The following ANKRD55 variants were observed in gnomAD, a reference collection of about 807,000 sequenced individuals.
ANKRD55 encodes the protein ankyrin repeat domain-containing protein 55.
A neutral mutation model predicts 60.6 loss-of-function variants in ANKRD55; 41 were observed. That is an observed-to-expected ratio of 0.68 (90% CI 0.53 to 0.88). The LOEUF is 0.88. Among genes scored for constraint, ANKRD55 ranks in the 40% least tolerant of loss-of-function variants. ANKRD55 has a pLI of 0.00. For synonymous variants in ANKRD55, 264 were observed against 290.3 expected, an observed-to-expected ratio of 0.91 and a Z score of 0.92; for missense variants, 732 against 767.6, an observed-to-expected ratio of 0.95 and a Z score of 0.55.
At position 56,225,615 on chromosome 5, in the gene ANKRD55, T is replaced by G. The variant is rs866176477; in HGVS notation, c.58+7241A>C. Among the ~76,000 whole-genome samples the G allele has an allele frequency of 7.2e-5, 11 of 152,218 alleles. No homozygotes were observed. In the South Asian group the frequency reaches 8.3e-4, roughly 11 times the overall value. On this transcript the variant is annotated intron_variant, in intron 2 of 11. Coordinates refer to ENST00000341048, the MANE Select transcript of ANKRD55 (RefSeq NM_024669.3). ...GTCTCAGCCCCAAATCTCCTTAAGC[T>G]GATAAGCAACTTCAGCAAAGTCTCA... is the stretch of plus-strand genomic sequence containing the variant.
rs541413758 is a variant in ANKRD55, at chr5:56,131,188, C to G, written c.613-4082G>C. 1.5e-4 allele frequency among the ~76,000 whole-genome samples: 23 copies of G among 151,994 alleles called. No homozygotes were observed. In the South Asian group the frequency reaches 3.7e-3, roughly 25 times the overall value. ...AAAAACAACAAAACAAACAAAAAAC[C>G]CTATGCCTAGGCATATTATTTTCCA... On this transcript the variant is annotated intron_variant, in intron 7 of 11. Transcript: ENST00000341048.
chr5:56,217,924 G>T (rs61627839), intron 2 of ANKRD55, among the ~76,000 whole-genome samples: 2 of 151,612 alleles, frequency 1.3e-5, no homozygotes, highest in African/African-American at 4.9e-5. Context: ...TTCATGATTC[G>T]GGTTTGGAAG....
At chr5:56,215,005 T>C (rs947609333) in intron 2 of ANKRD55, among the ~76,000 whole-genome samples, 1 of 152,222 alleles carries the variant, frequency 6.6e-6, no homozygotes, top group South Asian at 2.1e-4. Context: ...CTGTGGTGAA[T>C]TGAAGATCCC....
chr5:56,133,578 C>G (rs57639230), intron 7 of ANKRD55, among the ~76,000 whole-genome samples: 24,314 of 106,832 alleles, frequency 0.23, 8,309 homozygotes, highest in Middle Eastern at 0.54. Context: ...ATAAAACAAA[C>G]CTTAACAAAA....
At chr5:56,178,734 A>G (rs1758792355) in intron 3 of ANKRD55, among the ~76,000 whole-genome samples, 1 of 147,726 alleles carries the variant, frequency 6.8e-6, no homozygotes, top group Non-Finnish European at 1.5e-5. Flanking sequence ...ACATGGGAAG[A>G]TACTATGTTT....
chr5:56,210,267 C>T (rs1759630355), intron 2 of ANKRD55, among the ~76,000 whole-genome samples: 1 of 152,068 alleles, frequency 6.6e-6, no homozygotes, highest in South Asian at 2.1e-4. Flanking sequence ...ATTGTCTCTA[C>T]CCAATTTATT....
At chr5:56,214,549 A>C (rs1440111144) in intron 2 of ANKRD55, among the ~76,000 whole-genome samples, 4 of 152,224 alleles carry the variant, frequency 2.6e-5, no homozygotes, top group Non-Finnish European at 5.9e-5. Context: ...AAAGCAAGGG[A>C]TAAATATATC....
chr5:56,109,796 T>G (rs1159546018), intron 10 of ANKRD55, among the ~76,000 whole-genome samples: 1 of 152,058 alleles, frequency 6.6e-6, no homozygotes, highest in Non-Finnish European at 1.5e-5. Context: ...CTGGGACGGG[T>G]GGATCACGAG....
chr5:56,144,263 C>T (rs942990267), intron 6 of ANKRD55, among the ~76,000 whole-genome samples: 5 of 152,100 alleles, frequency 3.3e-5, no homozygotes, highest in African/African-American at 1.2e-4. Context: ...ATGAAGAATG[C>T]ACGTAGGATG....
chr5:56,137,130 A>G, intron 7 of ANKRD55: 2 of 1,308,488 alleles, frequency 1.5e-6, no homozygotes, highest in Non-Finnish European at 1.1e-6. Flanking sequence ...GAAAGATGTC[A>G]CTTTACAGAA....
intron 9 of ANKRD55, among the ~76,000 whole-genome samples, chr5:56,114,026 T>C (rs1377812645): frequency 1.4e-5 from 2 of 144,814 alleles, no homozygotes; most frequent in Non-Finnish European, 1.5e-5. Context: ...ACAATAAAAA[T>C]ATATTAAAAT....
intron 2 of ANKRD55, among the ~76,000 whole-genome samples, chr5:56,190,962 C>A (rs1759080634): frequency 6.6e-6 from 1 of 152,208 alleles, no homozygotes; most frequent in South Asian, 2.1e-4. Context: ...CAAGTCATAG[C>A]AACTATTCTT....
chr5:56,199,101 A>AAACAAACAAACC (rs546782271), intron 2 of ANKRD55, among the ~76,000 whole-genome samples: 99 of 151,994 alleles, frequency 6.5e-4, no homozygotes, highest in African/African-American at 2.2e-3. Context: ...ACAAACAAAC[A>AAACAAACAAACC]AACCCAAAAA....
intron 7 of ANKRD55, chr5:56,137,448 C>T: frequency 1.2e-6 from 1 of 831,204 alleles, no homozygotes; most frequent in Non-Finnish European, 2.1e-6. Flanking sequence ...ACAAAATGTT[C>T]CTAAACCAGA....
intron 11 of ANKRD55, 24 bp downstream of exon 11, chr5:56,102,470 C>G (rs1430332596): frequency 2.0e-6 from 3 of 1,486,116 alleles, no homozygotes; most frequent in Non-Finnish European, 2.8e-6. Context: ...GCAAAGGAAG[C>G]TGCGGAAGAT....
chr5:56,199,296 A>G (rs1049518171), intron 2 of ANKRD55, among the ~76,000 whole-genome samples: 3 of 152,060 alleles, frequency 2.0e-5, no homozygotes, highest in African/African-American at 4.8e-5. Flanking sequence ...ATAACTTTGC[A>G]GGGCCCGGCA....
rs961970106 is a variant in ANKRD55, at chr5:56,187,464, T to C, written c.59-3830A>G. On this transcript the variant is annotated intron_variant, in intron 2 of 11. Transcript: ENST00000341048. ...ACCTCCCTTTGTATGGGAGCTCTGT[T>C]TTCACTCTATTAAATCTTGCAACTG... is the stretch of plus-strand genomic sequence containing the variant. Among the ~76,000 whole-genome samples the C allele has an allele frequency of 7.2e-5, 11 of 152,328 alleles. No homozygotes were observed. In the East Asian group the frequency reaches 1.9e-3, roughly 27 times the overall value.
At chr5:56,124,881 G>A (rs140307903) in intron 8 of ANKRD55, among the ~76,000 whole-genome samples, 7 of 152,242 alleles carry the variant, frequency 4.6e-5, no homozygotes, top group Non-Finnish European at 8.8e-5. Flanking sequence ...TGCAGAAAAC[G>A]TGGAAAAAAA....
intron 2 of ANKRD55, among the ~76,000 whole-genome samples, chr5:56,221,853 C>A (rs540325263): frequency 2.0e-5 from 3 of 152,192 alleles, no homozygotes; most frequent in African/African-American, 7.2e-5. Context: ...CCAGGAAGCT[C>A]GAACTGGGTG....
Sources: allele counts gnomAD v4.1 joint callset (sites outside exome capture counted in the v4.1 genomes callset), GRCh38; gene constraint gnomAD v4.1.1; transcripts MANE v1.5; gene names NCBI Gene and HGNC (gene_info 2026-07-23, HGNC 2026-07-21).